Variants in USP7 observed in about 807,000 individuals in gnomAD.
The protein encoded by USP7 is ubiquitin specific peptidase 7, also known as ubiquitin C-terminal hydrolase 7.
USP7 carries 9 observed loss-of-function variants against 162.9 expected under a neutral mutation model. That is an observed-to-expected ratio of 0.06 (90% CI 0.03 to 0.10). The LOEUF (loss-of-function observed/expected upper bound fraction) is 0.10. Among genes scored for constraint, USP7 ranks in the 10% least tolerant of loss-of-function variants. The probability of loss-of-function intolerance (pLI) is 1.00; values close to 1 mark genes in which losing one functional copy is unlikely to be tolerated. For synonymous variants in USP7, 562 were observed against 475.9 expected (o/e 1.18, Z -2.35); for missense variants, 715 against 1,373.7 (o/e 0.52, Z 7.58).
intron 25 of USP7, among the ~76,000 whole-genome samples, chr16:8,897,726 A>AAAAAATATAT (rs1555461671): frequency 5.6e-4 from 4 of 7,138 alleles, no homozygotes; most frequent in Non-Finnish European, 9.3e-4. Context: ...AAAAAAAAAA[A>AAAAAATATAT]ATATATATAT....
In USP7 at chr16:8,893,908, ACTTCGGCTAGAGGG is replaced by A; in HGVS notation, c.*76_*89del. On this transcript the variant is annotated 3_prime_UTR_variant, in exon 31 of 31. Coordinates refer to ENST00000344836, the MANE Select transcript of USP7 (RefSeq NM_003470.3). ...CCAGCAGCGAATCCTCTTGCTGAAG[ACTTCGGCTAGAGGG>A]CACGTGCACCAAAGTTCTAGGCTGT... 8.9e-7 allele frequency: 1 copy of A among 1,121,226 alleles called. No individual in the cohort carries two copies. Among genetic ancestry groups the A allele is most frequent in the Non-Finnish European group, 1.4e-6 (1 of 736,848 alleles). 69.5% of individuals were successfully genotyped at this position (1,121,226 alleles called of 1,614,324 possible).
chr16:8,911,186 G>T (rs994178494), intron 10 of USP7, among the ~76,000 whole-genome samples: 3 of 152,200 alleles, frequency 2.0e-5, no homozygotes, highest in Admixed American at 1.3e-4. Flanking sequence ...GCACAAATGT[G>T]AATGGCTGGC....
chr16:8,900,522 G>T lies in USP7; in HGVS notation c.2309+8C>A. ...ACAAAGTGATACAATCCTTCACAAA[G>T]TACATACTTCTGAAATACTATGATG... On this transcript the variant is annotated splice_region_variant and intron_variant, in intron 21 of 30. Coordinates refer to ENST00000344836, the MANE Select transcript of USP7 (RefSeq NM_003470.3). The T allele has an allele frequency of 6.3e-7, 1 of 1,585,238 alleles. No individual in the cohort carries two copies. Among genetic ancestry groups the T allele is most frequent in the South Asian group, 1.1e-5 (1 of 87,432 alleles).
intron 1 of USP7, among the ~76,000 whole-genome samples, chr16:8,958,775 A>G (rs1037393398): frequency 3.3e-5 from 5 of 152,254 alleles, no homozygotes; most frequent in African/African-American, 1.2e-4. Flanking sequence ...TCAGTGGCGC[A>G]TGGCACCAAA....
At chr16:8,929,038 T>C (rs113056477) in intron 2 of USP7, among the ~76,000 whole-genome samples, 1,624 of 133,262 alleles carry the variant, frequency 0.012, 14 homozygotes, top group Admixed American at 0.02. Flanking sequence ...TCCCAAGACC[T>C]CCCCCCTAAA....
chr16:8,962,542 C>G (rs1452700715), intron 1 of USP7: 1 of 440,366 alleles, frequency 2.3e-6, no homozygotes, highest in South Asian at 1.6e-5. Context: ...CGGTTGCAAG[C>G]GCACACCTGG....
chr16:8,939,789 C>G (rs1898948606), intron 1 of USP7, among the ~76,000 whole-genome samples: 1 of 152,210 alleles, frequency 6.6e-6, no homozygotes, highest in African/African-American at 2.4e-5. Context: ...CATGATTTAT[C>G]AACCACTCCC....
At chr16:8,949,343 G>A (rs1899443090) in intron 1 of USP7, among the ~76,000 whole-genome samples, 2 of 152,168 alleles carry the variant, frequency 1.3e-5, no homozygotes, top group Non-Finnish European at 2.9e-5. Flanking sequence ...CAATGCAATT[G>A]ATTGTTGGGT....
intron 1 of USP7, among the ~76,000 whole-genome samples, chr16:8,945,843 G>A (rs999331631): frequency 1.3e-5 from 2 of 151,556 alleles, no homozygotes; most frequent in Non-Finnish European, 1.5e-5. Flanking sequence ...TTGAGGCCAG[G>A]AGTCAGAAAC....
intron 10 of USP7, among the ~76,000 whole-genome samples, chr16:8,913,146 AG>A (rs1232825208): frequency 1.3e-5 from 2 of 152,228 alleles, no homozygotes; most frequent in African/African-American, 4.8e-5. Flanking sequence ...ACCTGAGGTC[AG>A]GAACTCGAGA....
intron 11 of USP7, among the ~76,000 whole-genome samples, chr16:8,909,225 C>T (rs1440662322): frequency 1.3e-5 from 2 of 152,208 alleles, no homozygotes; most frequent in Non-Finnish European, 1.5e-5. Context: ...CACGGCCAGG[C>T]GGTCAGGGGC....
At chr16:8,921,060 GACTCTAAAATC>G in intron 4 of USP7, 86 bp downstream of exon 4, 8 of 1,328,062 alleles carry the variant, frequency 6.0e-6, no homozygotes, top group Non-Finnish European at 8.1e-6. Context: ...GTAAAAATCT[GACTCTAAAATC>G]AATAAAGGAC....
intron 13 of USP7, 22 bp downstream of exon 13, chr16:8,906,404 A>G: frequency 6.2e-7 from 1 of 1,602,630 alleles, no homozygotes; most frequent in Non-Finnish European, 8.5e-7. Context: ...GCTTGCATTC[A>G]GCCCTGGGTC....
At chr16:8,919,160 T>C (rs1363729762) in intron 5 of USP7, 21 bp from the exon 6 acceptor site, 1 of 1,612,720 alleles carries the variant, frequency 6.2e-7, no homozygotes, top group Non-Finnish European at 8.5e-7. Context: ...AGTTCAAGGT[T>C]GAGGGGATCT....
At chr16:8,919,770 A>G (rs1279765974) in intron 5 of USP7, among the ~76,000 whole-genome samples, 1 of 150,354 alleles carries the variant, frequency 6.7e-6, no homozygotes, top group African/African-American at 2.5e-5. Flanking sequence ...CTCCCTCTGT[A>G]CACAATGCCA....
chr16:8,931,048 A>G (rs1267229947), intron 1 of USP7, among the ~76,000 whole-genome samples: 1 of 152,154 alleles, frequency 6.6e-6, no homozygotes, highest in Admixed American at 6.6e-5. Context: ...TTATCTAATC[A>G]TGCAAAGTCA....
At chr16:8,926,517 G>T (rs1443922373) in intron 2 of USP7, among the ~76,000 whole-genome samples, 1 of 152,272 alleles carries the variant, frequency 6.6e-6, no homozygotes, top group East Asian at 1.9e-4. Flanking sequence ...CAAAAAAAAG[G>T]AGAAGTGGAC....
intron 1 of USP7, among the ~76,000 whole-genome samples, chr16:8,932,774 G>A (rs563792511): frequency 1.3e-5 from 2 of 152,282 alleles, no homozygotes; most frequent in East Asian, 3.9e-4. Flanking sequence ...GGCAAGAAGG[G>A]AATGGGGCTG....
At chr16:8,951,366 G>C (rs908455347) in intron 1 of USP7, among the ~76,000 whole-genome samples, 2 of 152,236 alleles carry the variant, frequency 1.3e-5, no homozygotes, top group African/African-American at 4.8e-5. Context: ...CCTTGTGAAA[G>C]CTGTCATCTT....
Sources: gnomAD v4.1 joint callset for allele counts (sites outside exome capture counted in the v4.1 genomes callset) on GRCh38, gnomAD v4.1.1 for gene constraint, MANE v1.5 for transcripts, NCBI Gene and HGNC (gene_info 2026-07-23, HGNC 2026-07-21) for gene names.